The following ASXL3 variants were observed in gnomAD, a reference collection of about 807,000 sequenced individuals.
ASXL3 encodes the protein putative Polycomb group protein ASXL3.
Under a neutral mutation model 170.6 loss-of-function variants are expected in ASXL3, and 34 were observed. That is an observed-to-expected ratio of 0.20 (90% CI 0.15 to 0.27). ASXL3 has a LOEUF of 0.27. ASXL3 is among the 10% of genes least tolerant of loss of function. The probability of loss-of-function intolerance (pLI) is 1.00; values close to 1 mark genes in which losing one functional copy is unlikely to be tolerated. For synonymous variants in ASXL3, 1,002 were observed against 989.1 expected, an observed-to-expected ratio of 1.01 and a Z score of -0.24; for missense variants, 2,592 against 2,695.3, an observed-to-expected ratio of 0.96 and a Z score of 0.85.
rs183960466 is a variant in ASXL3, at chr18:33,632,644, A to G, written c.138-12250A>G. On this transcript the variant is annotated intron_variant, in intron 2 of 11. Coordinates refer to ENST00000269197, the MANE Select transcript of ASXL3 (RefSeq NM_030632.3). ...GTCTTTGTCCAAAAAGCAACAAGAAAAAACCAGCCTACTGTTTTGTTTTGT... is the reference window on the plus strand; with the variant it reads ...GTCTTTGTCCAAAAAGCAACAAGAAGAAACCAGCCTACTGTTTTGTTTTGT... 1.6e-3 allele frequency among the ~76,000 whole-genome samples: 241 copies of G among 152,294 alleles called. 1 individual carries two copies. The highest frequency in any genetic ancestry group is 5.5e-3 in the African/African-American group (230 of 41,558).
chr18:33,661,671 T>C lies in ASXL3; in HGVS notation c.411T>C (p.Thr137=). The C allele has an allele frequency of 1.9e-6, 3 of 1,612,874 alleles. No homozygotes were observed. Among genetic ancestry groups the C allele is most frequent in the East Asian group, 2.2e-5 (1 of 44,804 alleles). ...CTTCCACTCGAGATTCAAGCCTTAC[T>C]AACACAGCAGTGCAAAGCAAGTTAG... ...EASSTRDSSL[T]NTAVQSKLVS... The change falls in exon 5 of 12, where the codon ACT becomes ACC. Residue 137 remains threonine (T), a synonymous_variant. Transcript: ENST00000269197.
rs562162080 is a variant in ASXL3 at position 33,606,491 on chromosome 18, T to C, written c.55-1103T>C. On this transcript the variant is annotated intron_variant, in intron 1 of 11. Transcript: ENST00000269197. The stretch of plus-strand genomic sequence containing the variant: ...GATGAACAGAGCCTTCACTTGTGAA[T>C]CAGTTGAAATTTGGTTATTGACAGT... Among the ~76,000 whole-genome samples the C allele has an allele frequency of 2.0e-5, 3 of 152,104 alleles. No individual in the cohort carries two copies. In the East Asian group the frequency reaches 5.8e-4, roughly 30 times the overall value.
chr18:33,736,611 CTGAT>C (rs1219171358), intron 10 of ASXL3, among the ~76,000 whole-genome samples: 7 of 152,198 alleles, frequency 4.6e-5, no homozygotes, highest in East Asian at 1.9e-4. Flanking sequence ...TAAGATCTGT[CTGAT>C]TTAGTTTTCA....
rs772180333 is a variant in ASXL3, at chr18:33,746,511, T to A, written c.6663T>A (p.Ile2221=). 6.2e-6 allele frequency: 10 copies of A among 1,613,956 alleles called. No homozygotes were observed. Among genetic ancestry groups the A allele is most frequent in the Non-Finnish European group, 8.5e-6 (10 of 1,179,850 alleles). The change falls in exon 12 of 12, where the codon ATT becomes ATA. Residue 2221 remains isoleucine, a synonymous_variant. Transcript: ENST00000269197. ...LKCSCRLKAM[I]VCKGCGAFCH... is the part of the protein sequence containing the mutation. Reference sequence around the variant, plus strand: ...GCTCTTGCCGGCTGAAAGCCATGATTGTGTGCAAAGGCTGTGGGGCCTTCT... The same window carrying A: ...GCTCTTGCCGGCTGAAAGCCATGATAGTGTGCAAAGGCTGTGGGGCCTTCT...
Position 33,750,728 on chromosome 18 carries a change from C to G in ASXL3, c.*4133C>G, listed in dbSNP as rs1248848435. On this transcript the variant is annotated 3_prime_UTR_variant, in exon 12 of 12. Transcript: ENST00000269197. ...CAAACACAGATTGGGGGCGAAGGCC[C>G]TGAACCTACATAGACATTTTATATC... is the stretch of plus-strand genomic sequence containing the variant. The G allele has an allele frequency of 6.6e-6, 1 of 152,202 alleles. No homozygotes were observed. The highest frequency in any genetic ancestry group is 1.9e-4 in the East Asian group (1 of 5,190). 9.4% of individuals were successfully genotyped at this position (152,202 alleles called of 1,614,324 possible).
chr18:33,593,354 T>C (rs1187003034), intron 1 of ASXL3, among the ~76,000 whole-genome samples: 1 of 148,720 alleles, frequency 6.7e-6, no homozygotes, highest in Admixed American at 6.9e-5. Context: ...GTCTCAGAGA[T>C]TCCAGTCTAT....
intron 8 of ASXL3, among the ~76,000 whole-genome samples, chr18:33,716,253 A>T (rs1238102647): frequency 6.6e-6 from 1 of 152,178 alleles, no homozygotes; most frequent in Non-Finnish European, 1.5e-5. Flanking sequence ...AGAAAAGCAG[A>T]CCCGTGGAAC....
chr18:33,702,311 A>G (rs1469314952), intron 8 of ASXL3, among the ~76,000 whole-genome samples: 1 of 151,072 alleles, frequency 6.6e-6, no homozygotes, highest in Non-Finnish European at 1.5e-5. Flanking sequence ...TTTTTTTGCA[A>G]GTGGATATTG....
intron 4 of ASXL3, among the ~76,000 whole-genome samples, chr18:33,653,143 A>C (rs1292152974): frequency 1.3e-5 from 2 of 152,000 alleles, no homozygotes; most frequent in Non-Finnish European, 2.9e-5. Flanking sequence ...TTTTACAGTA[A>C]CTTGCCTGTG....
chr18:33,696,463 A>AG (rs2066774665), intron 8 of ASXL3, among the ~76,000 whole-genome samples: 1 of 152,154 alleles, frequency 6.6e-6, no homozygotes, highest in Non-Finnish European at 1.5e-5. Context: ...ACCTAGGGGA[A>AG]GAACGCCATC....
intron 2 of ASXL3, among the ~76,000 whole-genome samples, chr18:33,613,505 A>G (rs2065371044): frequency 6.6e-6 from 1 of 152,138 alleles, no homozygotes. Flanking sequence ...ATATTGCAAA[A>G]AAGGGAGTCA....
chr18:33,679,367 C>T (rs2066479234), intron 7 of ASXL3, among the ~76,000 whole-genome samples: 1 of 152,010 alleles, frequency 6.6e-6, no homozygotes, highest in South Asian at 2.1e-4. Context: ...CCTACATACC[C>T]AACATCTCAA....
chr18:33,636,979 T>C (rs1475783407), intron 2 of ASXL3, among the ~76,000 whole-genome samples: 2 of 152,136 alleles, frequency 1.3e-5, no homozygotes, highest in Non-Finnish European at 2.9e-5. Context: ...GTATTGCAAA[T>C]ACATAGTATT....
chr18:33,748,379 A>T lies in ASXL3; in HGVS notation c.*1784A>T, dbSNP rs887973367. 1 of 152,174 alleles carries T rather than the reference A, an allele frequency of 6.6e-6. No homozygotes were observed. Among genetic ancestry groups the T allele is most frequent in the Non-Finnish European group, 1.5e-5 (1 of 68,034 alleles). The allele number at this position is 152,174 out of a possible 1,614,324, so 9.4% of individuals were successfully genotyped here. On this transcript the variant is annotated 3_prime_UTR_variant, in exon 12 of 12. Coordinates refer to ENST00000269197, the MANE Select transcript of ASXL3 (RefSeq NM_030632.3). ...TTTAGGTGATAGAGACATCATTTCG[A>T]ATAACAAATTGCTGATAGTGAGAGG...
At chr18:33,716,724 G>T (rs1481072525) in intron 8 of ASXL3, among the ~76,000 whole-genome samples, 2 of 151,966 alleles carry the variant, frequency 1.3e-5, no homozygotes, top group African/African-American at 4.8e-5. Flanking sequence ...TAATTACTTT[G>T]CAGTCCAACA....
Position 33,739,132 on chromosome 18 carries a change from ATCT to A in ASXL3, c.1732_1734del (p.Ser578del), listed in dbSNP as rs761544914. ...GTACCCCCAAAATAAAAACAGGGTC[ATCT>A]TCTCTAGAAGGCCAGTTTCCAAATG... On this transcript the variant is annotated inframe_deletion, in exon 11 of 12. Coordinates refer to ENST00000269197, the MANE Select transcript of ASXL3 (RefSeq NM_030632.3). 3 of 1,613,564 alleles carry A rather than the reference ATCT, an allele frequency of 1.9e-6. No individual in the cohort carries two copies. In the South Asian group the frequency reaches 3.3e-5, roughly 18 times the overall value.
At chr18:33,578,752 C>A (rs2064967930) in intron 1 of ASXL3, 67 bp downstream of exon 1, 2 of 1,033,660 alleles carry the variant, frequency 1.9e-6, no homozygotes, top group Non-Finnish European at 2.4e-6. Context: ...CGCGCCGGTC[C>A]GCGGCGGCGG....
intron 10 of ASXL3, among the ~76,000 whole-genome samples, chr18:33,736,168 A>C (rs1025413130): frequency 6.6e-6 from 1 of 152,240 alleles, no homozygotes; most frequent in African/African-American, 2.4e-5. Context: ...AATCCTTCTC[A>C]GAAAAATTCA....
At chr18:33,672,788 T>A (rs747926413) in intron 7 of ASXL3, among the ~76,000 whole-genome samples, 13 of 152,220 alleles carry the variant, frequency 8.5e-5, no homozygotes, top group Non-Finnish European at 1.6e-4. Flanking sequence ...TATCTGATTT[T>A]TTTTTAGTAA....
Sources: allele counts gnomAD v4.1 joint callset (sites outside exome capture counted in the v4.1 genomes callset), GRCh38; gene constraint gnomAD v4.1.1; transcripts MANE v1.5; gene names NCBI Gene and HGNC (gene_info 2026-07-23, HGNC 2026-07-21).